Variants in TBCD observed in about 807,000 individuals in gnomAD.
TBCD encodes the protein tubulin-specific chaperone D.
Under a neutral mutation model 169.3 loss-of-function variants are expected in TBCD, and 105 were observed. That is an observed-to-expected ratio of 0.62 (90% CI 0.53 to 0.73). The LOEUF (loss-of-function observed/expected upper bound fraction) is 0.73, where lower values mean the gene tolerates loss of function less well. Among genes scored for constraint, TBCD ranks in the 30% least tolerant of loss-of-function variants. The pLI, the probability that TBCD is intolerant of heterozygous loss-of-function variation, is 0.00. For missense variants in TBCD, 1,444 were observed against 1,600.1 expected, an observed-to-expected ratio of 0.90 and a Z score of 1.66; for synonymous variants, 700 against 643.9, an observed-to-expected ratio of 1.09 and a Z score of -1.32.
intron 8 of TBCD, among the ~76,000 whole-genome samples, chr17:82,799,282 A>G (rs1324616402): frequency 6.6e-6 from 1 of 151,800 alleles, no homozygotes; most frequent in Non-Finnish European, 1.5e-5. Flanking sequence ...ATCTCTACTA[A>G]AAATACAAAA....
chr17:82,801,390 C>T (rs1000079491), intron 9 of TBCD, among the ~76,000 whole-genome samples: 1 of 152,212 alleles, frequency 6.6e-6, no homozygotes, highest in Admixed American at 6.5e-5. Context: ...CTGACTGCAT[C>T]TCCCAGTTGG....
chr17:82,763,618 G>C (rs562830577), intron 2 of TBCD, among the ~76,000 whole-genome samples: 1 of 152,256 alleles, frequency 6.6e-6, no homozygotes, highest in African/African-American at 2.4e-5. Flanking sequence ...ACGCGTGCCT[G>C]TAATTCCAGC....
chr17:82,926,674 G>C (rs569154819), intron 28 of TBCD, among the ~76,000 whole-genome samples, 183 bp downstream of exon 28: 1 of 152,214 alleles, frequency 6.6e-6, no homozygotes, highest in Non-Finnish European at 1.5e-5. Context: ...TGTCATAGTC[G>C]TAGTGAATGT....
At chr17:82,876,715 C>T (rs2058004556) in intron 14 of TBCD, among the ~76,000 whole-genome samples, 1 of 152,214 alleles carries the variant, frequency 6.6e-6, no homozygotes, top group Non-Finnish European at 1.5e-5. Context: ...TCAGGCGTTG[C>T]TGTATTTTCT....
At chr17:82,934,945 A>G (rs2062494965) in intron 34 of TBCD, among the ~76,000 whole-genome samples, 1 of 152,214 alleles carries the variant, frequency 6.6e-6, no homozygotes, top group Admixed American at 6.5e-5. Flanking sequence ...CAAAAAATAC[A>G]AAAACATTAG....
At chr17:82,825,690 C>G (rs1334128600) in intron 13 of TBCD, among the ~76,000 whole-genome samples, 1 of 152,204 alleles carries the variant, frequency 6.6e-6, no homozygotes. Flanking sequence ...GAACTCTAAC[C>G]AGTTGCAAAT....
At chr17:82,830,262 G>C in intron 13 of TBCD, 3 of 1,614,224 alleles carry the variant, frequency 1.9e-6, no homozygotes, top group Non-Finnish European at 2.5e-6. Flanking sequence ...TTTGTCCTTT[G>C]GGTCTGAGGT....
chr17:82,861,260 G>C (rs1171856445), intron 13 of TBCD, among the ~76,000 whole-genome samples: 3 of 152,148 alleles, frequency 2.0e-5, no homozygotes, highest in Admixed American at 2.0e-4. Context: ...CGGCCGGCTG[G>C]GGGCACACAT....
Position 82,797,830 on chromosome 17 carries a change from C to T in TBCD, c.817+28C>T, listed in dbSNP as rs2050208415. On this transcript the variant is annotated intron_variant, in intron 8 of 38. Coordinates refer to ENST00000355528, the MANE Select transcript of TBCD (RefSeq NM_005993.5). ...AAGGTTTATTTTTAAGAGACGATAT[C>T]TTTGTGATGTGAGTTTGCTCATATA... 4 of 1,540,012 alleles carry T rather than the reference C, an allele frequency of 2.6e-6. No individual in the cohort carries two copies. In the African/African-American group the frequency reaches 4.2e-5, roughly 16 times the overall value.
In TBCD at chr17:82,806,728, C is replaced by T. The variant is rs549037321; in HGVS notation, c.1087+717C>T. Among the ~76,000 whole-genome samples, 4 of 152,288 alleles carry T rather than the reference C, an allele frequency of 2.6e-5. No homozygotes were observed. Among genetic ancestry groups the T allele is most frequent in the African/African-American group, 7.2e-5 (3 of 41,558 alleles). ...GCCGCTCCCTCCAGGGCAGGTTTCT[C>T]CCCAGTCATCTGCACCCCACCTCGA... On this transcript the variant is annotated intron_variant, in intron 10 of 38. Transcript: ENST00000355528. This position sits in a 1 kb window ranked among gnomAD's most constrained non-coding sequence, Gnocchi z 5.1.
At chr17:82,794,652 G>GGCCACTGCACACTGCACACTT (rs1457900641) in intron 7 of TBCD, among the ~76,000 whole-genome samples, 3 of 152,186 alleles carry the variant, frequency 2.0e-5, no homozygotes, top group African/African-American at 7.2e-5. Context: ...GCTGAGCACT[G>GGCCACTGCACACTGCACACTT]GCCACTGCAC....
rs1393170762 is a variant in TBCD, at chr17:82,870,218, G to T, written c.1319-6G>T. 1.2e-6 allele frequency: 2 copies of T among 1,612,564 alleles called. No individual in the cohort carries two copies. The highest frequency in any genetic ancestry group is 1.3e-5 in the African/African-American group (1 of 74,924). ...CCTCACCGTCTTTTCTCTTGTCCTT[G>T]CCCAGTTGTCGCCGTGATCCTGAAG... On this transcript the variant is annotated splice_polypyrimidine_tract_variant and splice_region_variant and intron_variant, in intron 13 of 38. Transcript: ENST00000355528.
intron 13 of TBCD, among the ~76,000 whole-genome samples, chr17:82,820,087 T>A (rs907449607): frequency 1.3e-5 from 2 of 152,002 alleles, no homozygotes; most frequent in South Asian, 2.1e-4. Flanking sequence ...CAAGTGATTC[T>A]CATGACTCAG....
At position 82,944,554 on chromosome 17, in the gene TBCD, G is replaced by C. The variant is rs1442059927; in HGVS notation, c.*2091G>C. 6.6e-6 allele frequency: 1 copy of C among 152,282 alleles called. No individual in the cohort carries two copies. The highest frequency in any genetic ancestry group is 1.5e-5 in the Non-Finnish European group (1 of 68,070). The allele number at this position is 152,282 out of a possible 1,614,324, so 9.4% of individuals were successfully genotyped here. On this transcript the variant is annotated 3_prime_UTR_variant, in exon 39 of 39. Transcript: ENST00000355528. ...GAGAAGGTGTTCAGAAAACCTCTCT[G>C]AAGGGGCAGCATTTGGGCAGAGGTC...
In TBCD at chr17:82,938,036, C is replaced by T. The variant is rs777476510; in HGVS notation, c.3282-13C>T. ...GGTGGGGCTCACCTGGAGCCATGTG[C>T]TGCTCCCGGCAGGTTCTGCGAGATG... On this transcript the variant is annotated splice_polypyrimidine_tract_variant and intron_variant, in intron 35 of 38. Coordinates refer to ENST00000355528, the MANE Select transcript of TBCD (RefSeq NM_005993.5). The T allele has an allele frequency of 1.2e-5, 20 of 1,612,740 alleles. No homozygotes were observed. The South Asian group carries it at 2.1e-4, about 17-fold the overall frequency.
intron 6 of TBCD, among the ~76,000 whole-genome samples, chr17:82,776,477 G>C (rs527885249): frequency 4.5e-4 from 68 of 152,340 alleles, no homozygotes; most frequent in African/African-American, 1.5e-3. Flanking sequence ...TATACACAGT[G>C]CGTGTACCGT....
At chr17:82,861,707 T>C (rs77751143) in intron 13 of TBCD, among the ~76,000 whole-genome samples, 3,764 of 152,256 alleles carry the variant, frequency 0.025, 178 homozygotes, top group African/African-American at 0.086. Context: ...TGTGCTGGTG[T>C]GGCCGTGGCA....
At chr17:82,820,667 C>T (rs191076921) in intron 13 of TBCD, among the ~76,000 whole-genome samples, 1 of 152,088 alleles carries the variant, frequency 6.6e-6, no homozygotes, top group East Asian at 1.9e-4. Flanking sequence ...GCTCTTGAGT[C>T]TTCTTGTTAT....
intron 36 of TBCD, among the ~76,000 whole-genome samples, chr17:82,938,777 G>A (rs571797282): frequency 6.6e-6 from 1 of 152,286 alleles, no homozygotes; most frequent in South Asian, 2.1e-4. Flanking sequence ...TGAAAAGAGA[G>A]CAGGCGAGAT....
Sources: gnomAD v4.1 joint callset for allele counts (sites outside exome capture counted in the v4.1 genomes callset) on GRCh38, gnomAD v4.1.1 for gene constraint, Gnocchi (gnomAD v3.1) non-coding constraint, MANE v1.5 for transcripts, NCBI Gene and HGNC (gene_info 2026-07-23, HGNC 2026-07-21) for gene names.